ANKFN1: variants seen among roughly 807,000 people sequenced by gnomAD.
ANKFN1 encodes the protein ankyrin repeat and fibronectin type-III domain-containing protein 1.
Under a neutral mutation model 108.7 loss-of-function variants are expected in ANKFN1, and 74 were observed. That is an observed-to-expected ratio of 0.68 (90% confidence interval 0.56 to 0.83). ANKFN1 has a LOEUF of 0.83. Ranked by LOEUF, ANKFN1 falls within the 40% of genes least tolerant of loss-of-function variation. ANKFN1 has a pLI of 0.00. For missense variants in ANKFN1, 1,505 were observed against 1,382.3 expected, an observed-to-expected ratio of 1.09 and a Z score of -1.41; for synonymous variants, 547 against 516.2, an observed-to-expected ratio of 1.06 and a Z score of -0.81.
intron 18 of ANKFN1, among the ~76,000 whole-genome samples, chr17:56,486,642 A>T (rs979167955): frequency 2.6e-5 from 4 of 152,194 alleles, no homozygotes; most frequent in Non-Finnish European, 4.4e-5. Context: ...ATTTTTTTCT[A>T]TAAGTAGGAA....
At chr17:56,345,670 TG>T (rs1179064955) in intron 4 of ANKFN1, among the ~76,000 whole-genome samples, 1 of 152,234 alleles carries the variant, frequency 6.6e-6, no homozygotes, top group Non-Finnish European at 1.5e-5. Flanking sequence ...TTCATATGTT[TG>T]TTGGCCACAT....
intron 8 of ANKFN1, among the ~76,000 whole-genome samples, chr17:56,425,075 G>A (rs563605798): frequency 1.0e-4 from 15 of 150,252 alleles, no homozygotes; most frequent in Non-Finnish European, 1.9e-4. Context: ...ATATGACCAC[G>A]ATATATGATT....
At chr17:56,354,808 A>G (rs1203568458) in intron 6 of ANKFN1, among the ~76,000 whole-genome samples, 4 of 152,198 alleles carry the variant, frequency 2.6e-5, no homozygotes, top group Admixed American at 2.6e-4. Flanking sequence ...TGGCTTATAC[A>G]ACATTTTCTT....
intron 3 of ANKFN1, among the ~76,000 whole-genome samples, chr17:56,235,868 T>C (rs1297923640): frequency 6.6e-6 from 1 of 152,152 alleles, no homozygotes; most frequent in Non-Finnish European, 1.5e-5. Flanking sequence ...AATTTTGAAA[T>C]CATTTTTTCT....
intron 8 of ANKFN1, among the ~76,000 whole-genome samples, chr17:56,420,862 C>G (rs907678372): frequency 1.9e-4 from 29 of 152,084 alleles, no homozygotes; most frequent in Non-Finnish European, 3.7e-4. Flanking sequence ...CGCCCGCCAC[C>G]GCGCCCGGCT....
At chr17:56,180,102 T>C (rs1911545597) in intron 1 of ANKFN1, among the ~76,000 whole-genome samples, 1 of 152,174 alleles carries the variant, frequency 6.6e-6, no homozygotes, top group Non-Finnish European at 1.5e-5. Context: ...ATTCCTCTTC[T>C]CATACATGGA....
At chr17:56,329,712 A>T (rs2045611443) in intron 4 of ANKFN1, among the ~76,000 whole-genome samples, 1 of 152,194 alleles carries the variant, frequency 6.6e-6, no homozygotes, top group South Asian at 2.1e-4. Flanking sequence ...ATACATGTAA[A>T]AACACTGCAA....
intron 8 of ANKFN1, among the ~76,000 whole-genome samples, chr17:56,415,486 A>G (rs1041830229): frequency 2.6e-5 from 4 of 152,192 alleles, no homozygotes; most frequent in African/African-American, 9.6e-5. Flanking sequence ...ATAAAATGAA[A>G]TACCTATGGA....
intron 4 of ANKFN1, among the ~76,000 whole-genome samples, chr17:56,339,129 A>G (rs1397694175): frequency 6.6e-6 from 1 of 152,038 alleles, no homozygotes; most frequent in Non-Finnish European, 1.5e-5. Flanking sequence ...TTTATTTCTA[A>G]GTATTTTAAT....
intron 1 of ANKFN1, among the ~76,000 whole-genome samples, chr17:56,182,255 A>G (rs1911755088): frequency 6.6e-6 from 1 of 152,200 alleles, no homozygotes; most frequent in Non-Finnish European, 1.5e-5. Context: ...CTTAGTGAGG[A>G]AGGCAGGTCG....
chr17:56,421,892 C>G (rs2048415549), intron 8 of ANKFN1, among the ~76,000 whole-genome samples: 1 of 152,090 alleles, frequency 6.6e-6, no homozygotes, highest in Non-Finnish European at 1.5e-5. Context: ...TATTAGCATG[C>G]CTCTGGGACA....
At chr17:56,493,953 A>G (rs2051117670) in intron 19 of ANKFN1, among the ~76,000 whole-genome samples, 1 of 152,194 alleles carries the variant, frequency 6.6e-6, no homozygotes, top group Non-Finnish European at 1.5e-5. Flanking sequence ...GATGATAATA[A>G]TAGGGTTATC....
At chr17:56,305,489 G>A in intron 3 of ANKFN1, among the ~76,000 whole-genome samples, 1 of 151,896 alleles carries the variant, frequency 6.6e-6, no homozygotes, top group East Asian at 1.9e-4. Context: ...TTTTCTCATT[G>A]GCATATTTGG....
At chr17:56,398,590 C>A (rs2047657965) in intron 8 of ANKFN1, among the ~76,000 whole-genome samples, 1 of 152,100 alleles carries the variant, frequency 6.6e-6, no homozygotes, top group South Asian at 2.1e-4. Flanking sequence ...GATGATCCTG[C>A]ATAAATTTAG....
At chr17:56,343,632 A>G (rs1472976470) in intron 4 of ANKFN1, among the ~76,000 whole-genome samples, 4 of 151,960 alleles carry the variant, frequency 2.6e-5, no homozygotes, top group Non-Finnish European at 4.4e-5. Context: ...ATAGTTAAAT[A>G]GGGGCATATT....
chr17:56,158,064 G>T (rs1311190074), intron 1 of ANKFN1, among the ~76,000 whole-genome samples: 1 of 152,146 alleles, frequency 6.6e-6, no homozygotes, highest in Non-Finnish European at 1.5e-5. Flanking sequence ...GGTGTTTCAG[G>T]CTCATTAGGC....
intron 4 of ANKFN1, among the ~76,000 whole-genome samples, chr17:56,141,646 C>T (rs927012606): frequency 6.6e-6 from 1 of 152,028 alleles, no homozygotes; most frequent in African/African-American, 2.4e-5. Flanking sequence ...GATAAAGGAT[C>T]ATTCGCAAAA....
chr17:56,471,083 A>G (rs2050301275), intron 15 of ANKFN1: 1 of 152,328 alleles, frequency 6.6e-6, no homozygotes, highest in South Asian at 2.1e-4. Flanking sequence ...TCCTCATGCA[A>G]ACCCAAAGAG....
At position 56,513,332 on chromosome 17, in the gene ANKFN1, T is replaced by C. The variant is rs1304002942; in HGVS notation, c.*2063T>C. ...TGCTTGTTGCCAAGGAATACAGACT[T>C]CATGTAATACACATCTAAGTTAACT... is the stretch of plus-strand genomic sequence containing the variant. On this transcript the variant is annotated 3_prime_UTR_variant, in exon 21 of 21. Coordinates refer to ENST00000682825, the MANE Select transcript of ANKFN1 (RefSeq NM_001370326.1). Among the ~76,000 whole-genome samples, 1 of 152,208 alleles carries C rather than the reference T, an allele frequency of 6.6e-6. No homozygotes were observed. Among genetic ancestry groups the C allele is most frequent in the African/African-American group, 2.4e-5 (1 of 41,460 alleles).
Sources: allele counts gnomAD v4.1 joint callset (sites outside exome capture counted in the v4.1 genomes callset), GRCh38; gene constraint gnomAD v4.1.1; transcripts MANE v1.5; gene names NCBI Gene and HGNC (gene_info 2026-07-23, HGNC 2026-07-21).